Variants in TXNDC16 observed in about 807,000 individuals in gnomAD.
The protein encoded by TXNDC16 is thioredoxin domain containing 16.
Under a neutral mutation model 85.6 loss-of-function variants are expected in TXNDC16, and 74 were observed. The observed-to-expected ratio is 0.86, with a 90% CI of 0.72 to 1.05. The LOEUF (loss-of-function observed/expected upper bound fraction) is 1.05, where lower values mean the gene tolerates loss of function less well. Among genes scored for constraint, TXNDC16 ranks in the 50% least tolerant of loss-of-function variants. TXNDC16 has a pLI of 0.00. For missense variants in TXNDC16, 959 were observed against 947.0 expected (o/e 1.01, Z -0.17); for synonymous variants, 335 against 326.5 (o/e 1.03, Z -0.28).
At chr14:52,465,408 C>T (rs1033829300) in intron 16 of TXNDC16, among the ~76,000 whole-genome samples, 1 of 151,854 alleles carries the variant, frequency 6.6e-6, no homozygotes, top group African/African-American at 2.4e-5. Context: ...CTGGCTAACA[C>T]GGTGAAACCC....
intron 18 of TXNDC16, among the ~76,000 whole-genome samples, chr14:52,452,211 T>C (rs1294678894): frequency 1.3e-5 from 2 of 152,204 alleles, no homozygotes; most frequent in Admixed American, 6.5e-5. Flanking sequence ...ATGTCCCATG[T>C]TGATGGACTG....
chr14:52,458,603 T>G (rs997999295), intron 16 of TXNDC16, among the ~76,000 whole-genome samples: 1 of 152,198 alleles, frequency 6.6e-6, no homozygotes, highest in Admixed American at 6.5e-5. Context: ...AATATTTTTT[T>G]AGCCCATGCT....
At chr14:52,498,905 T>C (rs2036592683) in intron 9 of TXNDC16, among the ~76,000 whole-genome samples, 1 of 152,178 alleles carries the variant, frequency 6.6e-6, no homozygotes, top group African/African-American at 2.4e-5. Flanking sequence ...GGCCTCACAC[T>C]TTCTGATTTC....
At chr14:52,541,264 T>A (rs2037825585) in intron 4 of TXNDC16, among the ~76,000 whole-genome samples, 1 of 152,050 alleles carries the variant, frequency 6.6e-6, no homozygotes, top group Admixed American at 6.6e-5. Context: ...GAGTTTCAGT[T>A]ATGTTCGTCC....
At chr14:52,464,240 G>A (rs976966991) in intron 16 of TXNDC16, among the ~76,000 whole-genome samples, 1 of 152,164 alleles carries the variant, frequency 6.6e-6, no homozygotes, top group East Asian at 1.9e-4. Context: ...TAACTTGTGT[G>A]TTGTGATTTA....
rs2034879056 is a variant in TXNDC16, at chr14:52,430,973, C to T, written c.*1331G>A. ...TAAAAATCAGTTGTATCAGGCAAAC[C>T]ATATGTGAAGAAAATTTAAAGAACA... On this transcript the variant is annotated 3_prime_UTR_variant, in exon 21 of 21. Coordinates refer to ENST00000281741, the MANE Select transcript of TXNDC16 (RefSeq NM_020784.3). The T allele has an allele frequency of 6.6e-6, 1 of 152,008 alleles. No individual in the cohort carries two copies. 9.4% of individuals were successfully genotyped at this position (152,008 alleles called of 1,614,324 possible).
chr14:52,447,367 C>T (rs1456925720), intron 18 of TXNDC16, among the ~76,000 whole-genome samples: 1 of 152,146 alleles, frequency 6.6e-6, no homozygotes, highest in African/African-American at 2.4e-5. Context: ...AGAACACAGG[C>T]CCAGCTGGCT....
At chr14:52,536,882 C>T (rs1398773466) in intron 5 of TXNDC16, 89 bp from the exon 6 acceptor site, 2 of 1,098,804 alleles carry the variant, frequency 1.8e-6, no homozygotes, top group East Asian at 5.2e-5. Flanking sequence ...AATACATTAG[C>T]TTATAAGGTC....
rs748661076 is a variant in TXNDC16 at position 52,511,322 on chromosome 14, T to C, written c.674A>G (p.Gln225Arg). The C allele has an allele frequency of 3.7e-6, 6 of 1,608,908 alleles. No homozygotes were observed. The Admixed American group carries it at 8.3e-5, about 22-fold the overall frequency. The change falls in exon 9 of 21, where the codon CAA becomes CGA. Residue 225 changes from glutamine (Q) to arginine (R), a missense_variant. Physicochemically the swap from Gln to Arg is conservative, Grantham distance 43. Coordinates refer to ENST00000281741, the MANE Select transcript of TXNDC16 (RefSeq NM_020784.3). ...HCKLVLDLTQ[Q>R]CRRTLMEQPL... ...CTGTTCCATTAGTGTTCTTCTACAT[T>C]GCTGGGTCAAGTCCAAGACTAGTTT...
chr14:52,530,143 TA>T (rs1465645485), intron 6 of TXNDC16, among the ~76,000 whole-genome samples: 4 of 72,756 alleles, frequency 5.5e-5, no homozygotes, highest in Admixed American at 2.6e-4. Context: ...AATTTACATA[TA>T]TTTTATATAT....
intron 9 of TXNDC16, among the ~76,000 whole-genome samples, chr14:52,510,202 T>C (rs748615433): frequency 4.6e-5 from 7 of 152,182 alleles, no homozygotes; most frequent in Admixed American, 1.3e-4. Flanking sequence ...GAAATAAACA[T>C]ATGAAGTTAA....
chr14:52,448,115 T>C (rs751497791), intron 18 of TXNDC16, among the ~76,000 whole-genome samples: 1 of 150,716 alleles, frequency 6.6e-6, no homozygotes, highest in East Asian at 1.9e-4. Context: ...GAGAAAGAGA[T>C]AGGGATAGAG....
At chr14:52,476,816 G>A (rs1057382052) in intron 14 of TXNDC16, among the ~76,000 whole-genome samples, 1 of 152,110 alleles carries the variant, frequency 6.6e-6, no homozygotes, top group African/African-American at 2.4e-5. Context: ...AGTACAAGAA[G>A]CCCAGAGAAA....
At position 52,439,304 on chromosome 14, in the gene TXNDC16, T is replaced by A; in HGVS notation, c.2094A>T (p.Ser698=). The change falls in exon 20 of 21, where the codon TCA becomes TCT. Residue 698 remains serine, a synonymous_variant. Transcript: ENST00000281741. ...AAGGAAATGCAAATACTTGGCCACC[T>A]GAATGCAGATTCACCAAAACAAGAA... The part of the protein sequence containing the change: ...LPLLVLVNLH[S]GGQVFAFPSD... 1 of 1,614,090 alleles carries A rather than the reference T, an allele frequency of 6.2e-7. No individual in the cohort carries two copies.
intron 9 of TXNDC16, among the ~76,000 whole-genome samples, chr14:52,508,871 C>G (rs1302148964): frequency 6.6e-6 from 1 of 151,816 alleles, no homozygotes; most frequent in East Asian, 1.9e-4. Context: ...CACATTGACA[C>G]AAGAAGGGGA....
intron 9 of TXNDC16, among the ~76,000 whole-genome samples, chr14:52,508,177 G>A (rs1489886827): frequency 1.3e-5 from 2 of 152,088 alleles, no homozygotes; most frequent in Non-Finnish European, 2.9e-5. Flanking sequence ...CTGACAAAGG[G>A]CTAATATCCA....
intron 20 of TXNDC16, among the ~76,000 whole-genome samples, chr14:52,439,001 A>C (rs2035100361): frequency 6.6e-6 from 1 of 152,216 alleles, no homozygotes; most frequent in South Asian, 2.1e-4. Flanking sequence ...CAATGAATTA[A>C]AATTCAAGAA....
chr14:52,538,029 T>C lies in TXNDC16; in HGVS notation c.244-357A>G, dbSNP rs79151618. 9.2e-5 allele frequency among the ~76,000 whole-genome samples: 14 copies of C among 152,352 alleles called. No homozygotes were observed. In the East Asian group the frequency reaches 2.3e-3, roughly 25 times the overall value. On this transcript the variant is annotated intron_variant, in intron 4 of 20. Transcript: ENST00000281741. ...GCAAGTGGAACACAGAGATAGCAGATACTGCTGGTTTCCCACCCAAAATCC... is the reference window on the plus strand; with the variant it reads ...GCAAGTGGAACACAGAGATAGCAGACACTGCTGGTTTCCCACCCAAAATCC...
chr14:52,540,032 G>A (rs1473310947), intron 4 of TXNDC16, among the ~76,000 whole-genome samples: 1 of 152,062 alleles, frequency 6.6e-6, no homozygotes, highest in African/African-American at 2.4e-5. Context: ...CCCAGAGAAA[G>A]GCACTATTTC....
Sources: gnomAD v4.1 joint callset for allele counts (sites outside exome capture counted in the v4.1 genomes callset) on GRCh38, gnomAD v4.1.1 for gene constraint, MANE v1.5 for transcripts, NCBI Gene and HGNC (gene_info 2026-07-23, HGNC 2026-07-21) for gene names.